Variants in LHFPL3 observed in about 807,000 individuals in gnomAD.
LHFPL3 encodes the protein LHFPL tetraspan subfamily member 3.
LHFPL3 carries 5 observed loss-of-function variants against 19.3 expected under a neutral mutation model. The ratio of observed to expected loss-of-function variants is 0.26; its 90% confidence interval spans 0.14 to 0.54. The LOEUF is 0.54. LHFPL3 is among the 20% of genes least tolerant of loss of function. The pLI, the probability that LHFPL3 is intolerant of heterozygous loss-of-function variation, is 0.94. For missense variants in LHFPL3, 249 were observed against 307.4 expected, an observed-to-expected ratio of 0.81 and a Z score of 1.42; for synonymous variants, 133 against 126.2, an observed-to-expected ratio of 1.05 and a Z score of -0.36.
At chr7:104,811,166 C>CTTTCTTTTCTTTTCT in intron 2 of LHFPL3, among the ~76,000 whole-genome samples, 1 of 18,086 alleles carries the variant, frequency 5.5e-5, no homozygotes, top group African/African-American at 6.3e-5. Context: ...TTCTTTCTTT[C>CTTTCTTTTCTTTTCT]TTTCTTTTCT....
chr7:104,574,211 G>A (rs1790281187), intron 1 of LHFPL3, among the ~76,000 whole-genome samples: 1 of 152,148 alleles, frequency 6.6e-6, no homozygotes, highest in Non-Finnish European at 1.5e-5. Flanking sequence ...AACTAAGAGA[G>A]ATGGTCTAAT....
intron 1 of LHFPL3, among the ~76,000 whole-genome samples, chr7:104,363,138 G>A (rs556688128): frequency 1.8e-4 from 28 of 152,324 alleles, no homozygotes; most frequent in Non-Finnish European, 2.2e-4. Context: ...TTGTTTTGGC[G>A]ACTGTTATCA....
chr7:104,767,031 G>A (rs568131201), intron 2 of LHFPL3, among the ~76,000 whole-genome samples: 1 of 152,288 alleles, frequency 6.6e-6, no homozygotes, highest in South Asian at 2.1e-4. Flanking sequence ...TTAAAAAGCT[G>A]AAAGAATCAC....
At chr7:104,866,964 T>A (rs1044894316) in intron 2 of LHFPL3, among the ~76,000 whole-genome samples, 48 of 152,278 alleles carry the variant, frequency 3.2e-4, no homozygotes, top group African/African-American at 1.1e-3. Context: ...AACAACCTGC[T>A]CCTGAATGAC....
chr7:104,464,640 C>T (rs1468203501), intron 1 of LHFPL3, among the ~76,000 whole-genome samples: 1 of 152,242 alleles, frequency 6.6e-6, no homozygotes, highest in East Asian at 1.9e-4. Context: ...AGGCTTGGGG[C>T]TTGCAGTCTC....
chr7:104,385,262 A>G (rs764977219), intron 1 of LHFPL3, among the ~76,000 whole-genome samples: 6 of 152,192 alleles, frequency 3.9e-5, no homozygotes, highest in Non-Finnish European at 7.3e-5. Context: ...CATCCTGTAA[A>G]CTTCTCAAAA....
At chr7:104,901,769 T>A (rs1792489746) in intron 2 of LHFPL3, among the ~76,000 whole-genome samples, 1 of 151,964 alleles carries the variant, frequency 6.6e-6, no homozygotes, top group African/African-American at 2.4e-5. Context: ...AGCATCTCCT[T>A]ATGTTGCCCA....
At chr7:104,782,776 A>G (rs1431846632) in intron 2 of LHFPL3, among the ~76,000 whole-genome samples, 1 of 151,866 alleles carries the variant, frequency 6.6e-6, no homozygotes, top group Non-Finnish European at 1.5e-5. Context: ...CTCCACCTTC[A>G]CCTCTCACCA....
chr7:104,495,449 T>A (rs1793451298), intron 1 of LHFPL3, among the ~76,000 whole-genome samples: 1 of 152,148 alleles, frequency 6.6e-6, no homozygotes, highest in African/African-American at 2.4e-5. Flanking sequence ...AGTGGCACAA[T>A]CTCAGCTCAC....
chr7:104,701,847 C>A (rs182798955), intron 1 of LHFPL3, among the ~76,000 whole-genome samples: 2 of 142,190 alleles, frequency 1.4e-5, no homozygotes, highest in Admixed American at 1.5e-4. Context: ...TCTAGGAACC[C>A]TTTTTTGTTC....
chr7:104,353,418 T>C (rs2116394016), intron 1 of LHFPL3, among the ~76,000 whole-genome samples: 1 of 152,334 alleles, frequency 6.6e-6, no homozygotes, highest in South Asian at 2.1e-4. Flanking sequence ...CTGAATCACA[T>C]TAGTCTTTTT....
intron 1 of LHFPL3, among the ~76,000 whole-genome samples, chr7:104,364,568 A>G (rs982626168): frequency 6.6e-6 from 1 of 152,202 alleles, no homozygotes; most frequent in African/African-American, 2.4e-5. Context: ...AAGTTCTAGC[A>G]GTGGAGAATG....
At chr7:104,439,345 A>G (rs570142641) in intron 1 of LHFPL3, among the ~76,000 whole-genome samples, 1 of 151,674 alleles carries the variant, frequency 6.6e-6, no homozygotes, top group Non-Finnish European at 1.5e-5. Flanking sequence ...GGATATTACA[A>G]AAAAGAAAAC....
rs1200655012 is a variant in LHFPL3, at chr7:104,547,009, G to A, written c.446-189666G>A. Among the ~76,000 whole-genome samples the A allele has an allele frequency of 4.6e-4, 12 of 25,966 alleles. 4 individuals are homozygous for A. The highest frequency in any genetic ancestry group is 7.0e-4 in the Non-Finnish European group (7 of 10,038). 17.0% of individuals were successfully genotyped at this position (25,966 alleles called of 152,430 possible). ...CCCAGCACTTTGGGAGGCCGAGGCG[G>A]GTGGATCATGAGGTCAGGAGATCGA... On this transcript the variant is annotated intron_variant, in intron 1 of 2. Transcript: ENST00000424859.
intron 1 of LHFPL3, among the ~76,000 whole-genome samples, chr7:104,459,903 A>T (rs1229492664): frequency 6.6e-6 from 1 of 152,202 alleles, no homozygotes; most frequent in East Asian, 1.9e-4. Flanking sequence ...CAGGTTTGTT[A>T]TATAGGTAAA....
In LHFPL3 at chr7:104,372,384, A is replaced by C. The variant is rs186866252; in HGVS notation, c.445+43160A>C. Among the ~76,000 whole-genome samples the C allele has an allele frequency of 1.4e-4, 21 of 152,274 alleles. 1 individual carries two copies. Among genetic ancestry groups the C allele is most frequent in the Admixed American group, 1.4e-3 (21 of 15,304 alleles). On this transcript the variant is annotated intron_variant, in intron 1 of 2. Transcript: ENST00000424859. ...AATCTAATGCTTGAATCTAAATATTAGTATGGTTCTTGATTGGTCTGTGAT... is the reference window on the plus strand; with the variant it reads ...AATCTAATGCTTGAATCTAAATATTCGTATGGTTCTTGATTGGTCTGTGAT...
intron 2 of LHFPL3, among the ~76,000 whole-genome samples, chr7:104,743,294 A>C (rs1447489598): frequency 6.6e-6 from 1 of 151,986 alleles, no homozygotes; most frequent in Admixed American, 6.5e-5. Context: ...ATGGCAGAGG[A>C]GCCTCCTTGC....
intron 1 of LHFPL3, chr7:104,668,098 G>T: frequency 6.2e-7 from 1 of 1,613,850 alleles, no homozygotes; most frequent in Non-Finnish European, 8.5e-7. Context: ...GAATTCTTTC[G>T]AGGATTAAAT....
chr7:104,562,042 T>C (rs1365134133), intron 1 of LHFPL3, among the ~76,000 whole-genome samples: 1 of 152,106 alleles, frequency 6.6e-6, no homozygotes, highest in East Asian at 1.9e-4. Flanking sequence ...GGGTTTCTGC[T>C]GAGAGATCCG....
Sources: allele counts gnomAD v4.1 joint callset (sites outside exome capture counted in the v4.1 genomes callset), GRCh38; gene constraint gnomAD v4.1.1; transcripts MANE v1.5; gene names NCBI Gene and HGNC (gene_info 2026-07-23, HGNC 2026-07-21).